NLGN1: variants seen among roughly 807,000 people sequenced by gnomAD.
NLGN1 encodes the protein neuroligin-1.
In NLGN1, 12 loss-of-function variants were observed where a neutral mutation model predicts 65.5. The ratio of observed to expected loss-of-function variants is 0.18; its 90% CI spans 0.12 to 0.30. The LOEUF (loss-of-function observed/expected upper bound fraction) is 0.30. NLGN1 is among the 10% of genes least tolerant of loss of function. NLGN1 has a pLI of 1.00. For synonymous variants in NLGN1, 350 were observed against 359.5 expected, an observed-to-expected ratio of 0.97 and a Z score of 0.30; for missense variants, 750 against 1,007.1, an observed-to-expected ratio of 0.74 and a Z score of 3.46.
At chr3:173,447,407 C>G (rs1400029684) in intron 2 of NLGN1, among the ~76,000 whole-genome samples, 1 of 152,136 alleles carries the variant, frequency 6.6e-6, no homozygotes, top group African/African-American at 2.4e-5. Context: ...GGGCTCTGTT[C>G]TGTTTCATTG....
At position 174,021,241 on chromosome 3, in the gene NLGN1, T is replaced by C. The variant is rs147741013; in HGVS notation, c.646+213409T>C. ...TAGCTGGCTTCCATCTCTTGGTATCTTTAAACAATAATTTACAAGGACTGG... is the reference window on the plus strand; with the variant it reads ...TAGCTGGCTTCCATCTCTTGGTATCCTTAAACAATAATTTACAAGGACTGG... On this transcript the variant is annotated intron_variant, in intron 4 of 6. Coordinates refer to ENST00000457714, the Ensembl canonical transcript of NLGN1. 3.3e-5 allele frequency among the ~76,000 whole-genome samples: 5 copies of C among 152,164 alleles called. No individual in the cohort carries two copies. In the East Asian group the frequency reaches 9.7e-4, roughly 30 times the overall value.
At chr3:173,947,154 C>A (rs765820126) in intron 4 of NLGN1, among the ~76,000 whole-genome samples, 1 of 151,390 alleles carries the variant, frequency 6.6e-6, no homozygotes, top group East Asian at 1.9e-4. Context: ...CTCTGCCTCC[C>A]GGGTTCAAAC....
At chr3:174,286,910 G>A (rs1752189466), downstream of NLGN1, among the ~76,000 whole-genome samples, 1 of 151,092 alleles carries the variant, frequency 6.6e-6, no homozygotes, top group South Asian at 2.1e-4. Context: ...AGAAAAGAAT[G>A]GAAAAAGGAG....
At chr3:173,591,069 C>T (rs965828073) in intron 2 of NLGN1, among the ~76,000 whole-genome samples, 7 of 152,144 alleles carry the variant, frequency 4.6e-5, no homozygotes, top group African/African-American at 9.6e-5. Flanking sequence ...TTGGGATTTT[C>T]GTCATTACTT....
At chr3:173,433,700 G>A (rs919574198) in intron 1 of NLGN1, among the ~76,000 whole-genome samples, 1 of 151,890 alleles carries the variant, frequency 6.6e-6, no homozygotes. Flanking sequence ...ATTTATAAGC[G>A]ACCAAGCTCT....
chr3:173,965,618 G>A (rs937946767), intron 4 of NLGN1, among the ~76,000 whole-genome samples: 1 of 151,838 alleles, frequency 6.6e-6, no homozygotes, highest in Non-Finnish European at 1.5e-5. Context: ...CAACGCGCTG[G>A]CCCATTCCTA....
intron 2 of NLGN1, among the ~76,000 whole-genome samples, chr3:173,457,370 G>T (rs982953675): frequency 1.3e-5 from 2 of 152,022 alleles, no homozygotes; most frequent in African/African-American, 4.8e-5. Context: ...AGTGTAGGGG[G>T]TGATATTCAA....
At chr3:173,686,197 A>G (rs992559325) in intron 3 of NLGN1, among the ~76,000 whole-genome samples, 3 of 152,068 alleles carry the variant, frequency 2.0e-5, no homozygotes, top group Admixed American at 6.6e-5. Flanking sequence ...ATTTTAGCTT[A>G]TTCTTCAGTT....
At chr3:173,807,221 A>T (rs1716857248) in intron 3 of NLGN1, among the ~76,000 whole-genome samples, 1 of 152,176 alleles carries the variant, frequency 6.6e-6, no homozygotes, top group Admixed American at 6.5e-5. Flanking sequence ...CATTTGACAC[A>T]AAGTTTTACA....
chr3:174,005,697 C>T (rs1433136699), intron 4 of NLGN1, among the ~76,000 whole-genome samples: 3 of 143,888 alleles, frequency 2.1e-5, no homozygotes, highest in East Asian at 4.1e-4. Flanking sequence ...CTTAATTGAA[C>T]TTTTTTTTTT....
At chr3:173,591,154 T>G (rs984513877) in intron 2 of NLGN1, among the ~76,000 whole-genome samples, 2 of 152,192 alleles carry the variant, frequency 1.3e-5, no homozygotes, top group African/African-American at 4.8e-5. Flanking sequence ...AATGGTGACT[T>G]TATTTGGCAA....
chr3:174,126,389 A>G (rs1718952418), intron 4 of NLGN1, among the ~76,000 whole-genome samples: 1 of 152,148 alleles, frequency 6.6e-6, no homozygotes, highest in Non-Finnish European at 1.5e-5. Flanking sequence ...TTTAAAAATT[A>G]TAATGTCCAT....
chr3:173,866,379 A>G (rs1034506890), intron 4 of NLGN1, among the ~76,000 whole-genome samples: 2 of 152,256 alleles, frequency 1.3e-5, no homozygotes, highest in South Asian at 2.1e-4. Context: ...CAAACAAAAA[A>G]AGGCAGGGAT....
At chr3:174,040,636 A>G (rs961151866) in intron 4 of NLGN1, among the ~76,000 whole-genome samples, 1 of 152,126 alleles carries the variant, frequency 6.6e-6, no homozygotes, top group Non-Finnish European at 1.5e-5. Context: ...TGCAAAACAT[A>G]TATTTGAGAC....
chr3:174,243,308 A>G (rs1255485836), intron 4 of NLGN1, among the ~76,000 whole-genome samples: 1 of 152,184 alleles, frequency 6.6e-6, no homozygotes, highest in Non-Finnish European at 1.5e-5. Flanking sequence ...TCCAGGGCTC[A>G]CAAAATGACT....
intron 4 of NLGN1, among the ~76,000 whole-genome samples, chr3:174,044,906 C>T (rs1378338089): frequency 3.3e-5 from 5 of 152,092 alleles, no homozygotes; most frequent in African/African-American, 7.2e-5. Context: ...TTGCTTGGCA[C>T]TTCTTCTTCC....
At chr3:173,919,815 GCA>G (rs2152258025) in intron 4 of NLGN1, among the ~76,000 whole-genome samples, 1 of 152,000 alleles carries the variant, frequency 6.6e-6, no homozygotes, top group East Asian at 1.9e-4. Flanking sequence ...TATTAAATAT[GCA>G]CAGTTTTGCT....
At chr3:174,032,614 G>A (rs992699718) in intron 4 of NLGN1, among the ~76,000 whole-genome samples, 1 of 152,134 alleles carries the variant, frequency 6.6e-6, no homozygotes, top group Non-Finnish European at 1.5e-5. Flanking sequence ...TCTAGGGGCT[G>A]CAGTCTTAGA....
At chr3:173,602,373 T>TG (rs1463147006) in intron 2 of NLGN1, among the ~76,000 whole-genome samples, 2 of 151,968 alleles carry the variant, frequency 1.3e-5, no homozygotes, top group Non-Finnish European at 2.9e-5. Context: ...CTGAAAATTT[T>TG]GGGGGGTCAA....
Sources: allele counts gnomAD v4.1 joint callset (sites outside exome capture counted in the v4.1 genomes callset), GRCh38; gene constraint gnomAD v4.1.1; transcripts MANE v1.5; gene names NCBI Gene and HGNC (gene_info 2026-07-23, HGNC 2026-07-21).